SYNE2: variants seen among roughly 807,000 people sequenced by gnomAD.
SYNE2 encodes spectrin repeat containing nuclear envelope protein 2.
A neutral mutation model predicts 856.3 loss-of-function variants in SYNE2; 431 were observed. The observed-to-expected ratio is 0.50, with a 90% CI of 0.47 to 0.55. SYNE2 has a LOEUF of 0.55. Among genes scored for constraint, SYNE2 ranks in the 20% least tolerant of loss-of-function variants. SYNE2 has a pLI of 0.00. For synonymous variants in SYNE2, 2,923 were observed against 2,872.3 expected (o/e 1.02, Z -0.56); for missense variants, 8,129 against 8,023.2 (o/e 1.01, Z -0.50).
At chr14:64,175,180 C>A in intron 95 of SYNE2, 42 bp downstream of exon 95, 1 of 1,604,318 alleles carries the variant, frequency 6.2e-7, no homozygotes, top group South Asian at 1.1e-5. Flanking sequence ...TATTCAAATT[C>A]AGTACATAGA....
chr14:64,159,122 TTA>T (rs2098309229), intron 86 of SYNE2, among the ~76,000 whole-genome samples, 188 bp from the exon 87 acceptor site: 1 of 152,112 alleles, frequency 6.6e-6, no homozygotes, highest in Admixed American at 6.6e-5. Flanking sequence ...TTTATATTAC[TTA>T]GTACTTAAAA....
chr14:64,186,683 C>G (rs974387624), intron 97 of SYNE2, 104 bp downstream of exon 97: 1 of 1,502,638 alleles, frequency 6.7e-7, no homozygotes, highest in African/African-American at 1.4e-5. Context: ...ACCGGAGGCC[C>G]TTTTCAGTGG....
intron 1 of SYNE2, among the ~76,000 whole-genome samples, chr14:63,788,672 G>A (rs1213972507): frequency 6.6e-6 from 1 of 152,204 alleles, no homozygotes; most frequent in Non-Finnish European, 1.5e-5. Flanking sequence ...CTGTCCCGGC[G>A]TCCCGCTGCC....
chr14:64,150,421 A>G (rs1366777714), intron 84 of SYNE2, among the ~76,000 whole-genome samples: 1 of 150,014 alleles, frequency 6.7e-6, no homozygotes, highest in African/African-American at 2.4e-5. Flanking sequence ...GAGTTTTGTC[A>G]TGTTTCCCAG....
intron 45 of SYNE2, among the ~76,000 whole-genome samples, chr14:64,037,659 A>G (rs1346684402): frequency 6.7e-6 from 1 of 149,412 alleles, no homozygotes. Context: ...CACCTCCCAG[A>G]CAGGGTGGTG....
chr14:64,208,225 T>C, intron 100 of SYNE2: 1 of 451,622 alleles, frequency 2.2e-6, no homozygotes, highest in Non-Finnish European at 4.4e-6. Context: ...CTTGGGCTCA[T>C]GAAGCCCTTG....
intron 2 of SYNE2, among the ~76,000 whole-genome samples, chr14:63,936,116 G>A (rs556304425): frequency 3.3e-5 from 5 of 152,240 alleles, no homozygotes; most frequent in African/African-American, 9.6e-5. Flanking sequence ...CTTGTGATCC[G>A]CCCACCTTGG....
intron 78 of SYNE2, among the ~76,000 whole-genome samples, chr14:64,136,594 C>T (rs61987282): frequency 0.013 from 2,016 of 152,052 alleles, 20 homozygotes; most frequent in South Asian, 0.023. Context: ...TAGCTGAATC[C>T]AGCTGTGTTA....
chr14:63,823,530 A>G (rs925275647), intron 1 of SYNE2, among the ~76,000 whole-genome samples: 2 of 152,000 alleles, frequency 1.3e-5, no homozygotes, highest in African/African-American at 4.8e-5. Context: ...ACAAACTCTC[A>G]AAAAATAAAA....
intron 56 of SYNE2, among the ~76,000 whole-genome samples, chr14:64,081,054 G>A (rs944707910): frequency 6.6e-6 from 1 of 152,208 alleles, no homozygotes; most frequent in African/African-American, 2.4e-5. Flanking sequence ...GCTGAGTTGT[G>A]TCTGTGATTT....
intron 98 of SYNE2, among the ~76,000 whole-genome samples, chr14:64,189,392 A>C (rs959675138): frequency 3.3e-5 from 5 of 152,066 alleles, no homozygotes; most frequent in Non-Finnish European, 7.4e-5. Context: ...AGTGAGGCTC[A>C]TAATTTTGAA....
At chr14:64,133,929 C>T (rs181617175) in intron 77 of SYNE2, 140 bp from the exon 78 acceptor site, 2 of 929,938 alleles carry the variant, frequency 2.2e-6, no homozygotes, top group Admixed American at 2.0e-5. Flanking sequence ...GGTGGGGTTA[C>T]GTCTCTCGAA....
intron 1 of SYNE2, among the ~76,000 whole-genome samples, chr14:63,770,826 C>G (rs138523132): frequency 2.0e-5 from 3 of 151,714 alleles, no homozygotes; most frequent in African/African-American, 7.2e-5. Flanking sequence ...AAACATTTTT[C>G]AATAAAAAAA....
intron 1 of SYNE2, among the ~76,000 whole-genome samples, chr14:63,871,680 G>A (rs2140394014): frequency 6.7e-6 from 1 of 150,352 alleles, no homozygotes; most frequent in African/African-American, 2.4e-5. Flanking sequence ...TTTTTGTAGA[G>A]ATGGGGTTTC....
At position 64,012,961 on chromosome 14, in the gene SYNE2, A is replaced by G. The variant is rs141984753; in HGVS notation, c.4728+2845A>G. Among the ~76,000 whole-genome samples the G allele has an allele frequency of 5.2e-4, 79 of 152,330 alleles. 1 individual carries two copies. Among genetic ancestry groups the G allele is most frequent in the African/African-American group, 1.6e-3 (66 of 41,578 alleles). On this transcript the variant is annotated intron_variant, in intron 32 of 115. Transcript: ENST00000555002. The stretch of plus-strand genomic sequence containing the variant: ...GTCCTTCAAAACTGTAGTAACCTGG[A>G]TGTTTATCTAGGATATGGTGACAAA...
intron 85 of SYNE2, among the ~76,000 whole-genome samples, chr14:64,157,184 T>C (rs1422518401): frequency 6.6e-6 from 1 of 152,224 alleles, no homozygotes; most frequent in Non-Finnish European, 1.5e-5. Context: ...CCATCACCAC[T>C]ATCTCATTAC....
chr14:63,936,006 C>G (rs1179246032), intron 2 of SYNE2, among the ~76,000 whole-genome samples: 6 of 152,152 alleles, frequency 3.9e-5, no homozygotes, highest in Non-Finnish European at 4.4e-5. Context: ...TCCTGAGTAG[C>G]TGGGATTACA....
chr14:63,777,577 T>C (rs889844982), intron 1 of SYNE2, among the ~76,000 whole-genome samples: 3 of 152,188 alleles, frequency 2.0e-5, no homozygotes, highest in Non-Finnish European at 4.4e-5. Flanking sequence ...CTTTGAAGAC[T>C]CACAGAAGAT....
chr14:63,981,933 CAAA>C (rs1464062892), intron 16 of SYNE2, among the ~76,000 whole-genome samples: 1 of 152,138 alleles, frequency 6.6e-6, no homozygotes, highest in Non-Finnish European at 1.5e-5. Context: ...ACTAGAAATT[CAAA>C]TCTTCGTCTT....
Sources: allele counts gnomAD v4.1 joint callset (sites outside exome capture counted in the v4.1 genomes callset), GRCh38; gene constraint gnomAD v4.1.1; transcripts MANE v1.5; gene names NCBI Gene and HGNC (gene_info 2026-07-23, HGNC 2026-07-21).